The following ILDR1 variants were observed in gnomAD, a reference collection of about 807,000 sequenced individuals.
ILDR1 encodes the protein immunoglobulin-like domain-containing receptor 1.
ILDR1 carries 56 observed loss-of-function variants against 62.4 expected under a neutral mutation model. The observed-to-expected ratio is 0.90, with a 90% CI of 0.72 to 1.12. The LOEUF (loss-of-function observed/expected upper bound fraction) is 1.12. Among genes scored for constraint, ILDR1 ranks in the 50% most tolerant of loss-of-function variants. The probability of loss-of-function intolerance (pLI) is 0.00; values close to 1 mark genes in which losing one functional copy is unlikely to be tolerated. For synonymous variants in ILDR1, 284 were observed against 277.8 expected (o/e 1.02, Z -0.22); for missense variants, 736 against 710.6 (o/e 1.04, Z -0.41).
At chr3:121,995,224 G>A (rs1228793550) in intron 5 of ILDR1, among the ~76,000 whole-genome samples, 1 of 152,094 alleles carries the variant, frequency 6.6e-6, no homozygotes, top group African/African-American at 2.4e-5. Context: ...GTTTCCTAAG[G>A]GCTCTGCCTA....
rs202089487 is a variant in ILDR1, at chr3:122,001,854, G to A, written c.390C>T (p.Leu130=). 6.8e-6 allele frequency: 11 copies of A among 1,613,198 alleles called. No individual in the cohort carries two copies. The highest frequency in any genetic ancestry group is 2.2e-5 in the East Asian group (1 of 44,886). Residue 130 remains leucine (L), a synonymous_variant, in exon 4 of 8, where the codon CTC becomes CTT. Transcript: ENST00000344209. The part of the protein sequence containing the change: ...RKITIQNRAD[L]VINEVMWWDH... ...CCCACCACATCACTTCATTTATCAC[G>A]AGATCTGCTCCTACACAGTAAGGAG...
the ILDR1 span, among the ~76,000 whole-genome samples, chr3:122,031,131 A>C: frequency 1.3e-5 from 2 of 152,310 alleles, no homozygotes; most frequent in South Asian, 2.1e-4. Flanking sequence ...ATAACATGTG[A>C]TATTACATTC....
intron 1 of ILDR1, among the ~76,000 whole-genome samples, chr3:122,013,851 A>G (rs1159889551): frequency 6.6e-6 from 1 of 152,146 alleles, no homozygotes; most frequent in Non-Finnish European, 1.5e-5. Context: ...CGAGAAGGAA[A>G]GTGCTATGTG....
chr3:122,027,619 T>A, the ILDR1 span, among the ~76,000 whole-genome samples: 1 of 152,222 alleles, frequency 6.6e-6, no homozygotes, highest in Non-Finnish European at 1.5e-5. Context: ...AATAAGAATC[T>A]GAAATTTTTT....
At chr3:122,038,589 A>C in the ILDR1 span, among the ~76,000 whole-genome samples, 2 of 152,244 alleles carry the variant, frequency 1.3e-5, no homozygotes, top group African/African-American at 4.8e-5. Context: ...TTGCAACAAA[A>C]AACTATAAGG....
intron 1 of ILDR1, among the ~76,000 whole-genome samples, chr3:122,015,135 G>A (rs1428305011): frequency 3.3e-5 from 5 of 152,190 alleles, no homozygotes; most frequent in Non-Finnish European, 5.9e-5. Context: ...GAGTTTTAAA[G>A]CATTGATCAG....
At position 121,988,342 on chromosome 3, in the gene ILDR1, A is replaced by T. The variant is rs1465610620; in HGVS notation, c.*25T>A. 5 of 1,607,650 alleles carry T rather than the reference A, an allele frequency of 3.1e-6. No homozygotes were observed. Among genetic ancestry groups the T allele is most frequent in the Non-Finnish European group, 4.3e-6 (5 of 1,174,160 alleles). On this transcript the variant is annotated 3_prime_UTR_variant, in exon 8 of 8. Coordinates refer to ENST00000344209, the MANE Select transcript of ILDR1 (RefSeq NM_001199799.2). Reference sequence around the variant, plus strand: ...GACACACAGGAGCCGAGAAGTAGCCACAGAAGTTGTGCTGTGCTTGGTGAC... The same window carrying T: ...GACACACAGGAGCCGAGAAGTAGCCTCAGAAGTTGTGCTGTGCTTGGTGAC...
At chr3:122,014,983 C>T (rs1178330140) in intron 1 of ILDR1, among the ~76,000 whole-genome samples, 1 of 152,182 alleles carries the variant, frequency 6.6e-6, no homozygotes, top group African/African-American at 2.4e-5. Flanking sequence ...CACATTCATT[C>T]ATTTATTGAG....
intron 1 of ILDR1, among the ~76,000 whole-genome samples, chr3:122,010,324 A>G (rs1375866881): frequency 6.6e-6 from 1 of 152,172 alleles, no homozygotes; most frequent in Non-Finnish European, 1.5e-5. Context: ...ATGGATCATC[A>G]CTGAAGTCTT....
chr3:122,006,718 G>C (rs578042117), intron 2 of ILDR1, among the ~76,000 whole-genome samples: 1 of 152,252 alleles, frequency 6.6e-6, no homozygotes, highest in African/African-American at 2.4e-5. Context: ...AGGGAGGCAG[G>C]ACTTTTCCCT....
At chr3:121,998,644 G>A (rs1321439248) in intron 5 of ILDR1, among the ~76,000 whole-genome samples, 1 of 152,210 alleles carries the variant, frequency 6.6e-6, no homozygotes, top group East Asian at 1.9e-4. Context: ...TGCTTTTAGT[G>A]CCCCACGAAC....
chr3:121,993,864 G>C lies in ILDR1; in HGVS notation c.885C>G (p.Asn295Lys). 3 of 1,614,144 alleles carry C rather than the reference G, an allele frequency of 1.9e-6. No homozygotes were observed. Among genetic ancestry groups the C allele is most frequent in the Non-Finnish European group, 2.5e-6 (3 of 1,180,014 alleles). ...VLEYLEKELR[N>K]LNLAQPLPPD... is the part of the protein sequence containing the mutation. ...GGGGCAGAGGCTGGGCCAGGTTGAGGTTCCGCAGTTCTTTCTCCAAATACT... is the reference window on the plus strand; with the variant it reads ...GGGGCAGAGGCTGGGCCAGGTTGAGCTTCCGCAGTTCTTTCTCCAAATACT... Residue 295 changes from asparagine to lysine, a missense_variant, in exon 7 of 8, where the codon AAC (asparagine) becomes AAG (lysine). By Grantham distance (94) the Asn-to-Lys change is moderately conservative (BLOSUM62 0). Transcript: ENST00000344209.
intron 5 of ILDR1, among the ~76,000 whole-genome samples, chr3:121,995,500 C>T (rs1157704558): frequency 6.6e-6 from 1 of 152,206 alleles, no homozygotes; most frequent in Non-Finnish European, 1.5e-5. Context: ...TATGAAACTT[C>T]CAGCACAACA....
chr3:122,015,702 TC>T (rs978656765), intron 1 of ILDR1, among the ~76,000 whole-genome samples: 3 of 152,214 alleles, frequency 2.0e-5, no homozygotes, highest in Non-Finnish European at 2.9e-5. Context: ...TAAACCTCTT[TC>T]CTTTATAAAT....
At chr3:121,989,163 T>C (rs1224950033) in intron 7 of ILDR1, among the ~76,000 whole-genome samples, 1 of 152,238 alleles carries the variant, frequency 6.6e-6, no homozygotes, top group Non-Finnish European at 1.5e-5. Context: ...CATATGTATG[T>C]ACATTCATGT....
At chr3:122,038,122 G>GT in the ILDR1 span, among the ~76,000 whole-genome samples, 20 of 152,114 alleles carry the variant, frequency 1.3e-4, no homozygotes, top group Non-Finnish European at 2.4e-4. Context: ...CCAGTCTCAG[G>GT]TAGTTCTTTA....
chr3:122,047,467 TG>T, the ILDR1 span, among the ~76,000 whole-genome samples: 4 of 152,242 alleles, frequency 2.6e-5, no homozygotes, highest in African/African-American at 9.6e-5. Flanking sequence ...CTGGCTGCTT[TG>T]TTTACCTAAG....
the ILDR1 span, among the ~76,000 whole-genome samples, chr3:122,060,052 C>CT: frequency 1.3e-5 from 2 of 152,224 alleles, no homozygotes; most frequent in South Asian, 4.2e-4. Context: ...GTTTGTGGTA[C>CT]TTTGTTACCA....
At chr3:122,045,615 A>T in the ILDR1 span, among the ~76,000 whole-genome samples, 1 of 151,020 alleles carries the variant, frequency 6.6e-6, no homozygotes, top group African/African-American at 2.4e-5. Flanking sequence ...TATTGGGTGC[A>T]TATATATTTA....
Sources: gnomAD v4.1 joint callset for allele counts (sites outside exome capture counted in the v4.1 genomes callset) on GRCh38, gnomAD v4.1.1 for gene constraint, MANE v1.5 for transcripts, NCBI Gene and HGNC (gene_info 2026-07-23, HGNC 2026-07-21) for gene names.